NFIB: variants seen among roughly 807,000 people sequenced by gnomAD.
NFIB encodes the protein nuclear factor 1 B-type.
In NFIB, 11 loss-of-function variants were observed where a neutral mutation model predicts 61.5. The ratio of observed to expected loss-of-function variants is 0.18; its 90% confidence interval spans 0.11 to 0.30. The LOEUF is 0.30. Among genes scored for constraint, NFIB ranks in the 10% least tolerant of loss-of-function variants. The pLI, the probability that NFIB is intolerant of heterozygous loss-of-function variation, is 1.00. For missense variants in NFIB, 471 were observed against 608.9 expected (o/e 0.77, Z 2.38); for synonymous variants, 260 against 216.5 (o/e 1.20, Z -1.76).
chr9:14,283,221 G>C (rs924084376), intron 2 of NFIB, among the ~76,000 whole-genome samples: 1 of 152,190 alleles, frequency 6.6e-6, no homozygotes. Flanking sequence ...GTATCACTGT[G>C]ACTCCGGACT....
chr9:14,087,597 T>C lies in NFIB; in HGVS notation c.*712A>G, dbSNP rs896990943. 1.8e-5 allele frequency: 4 copies of C among 226,258 alleles called. No homozygotes were observed. The highest frequency in any genetic ancestry group is 1.7e-4 in the Admixed American group (3 of 17,524). 14.0% of individuals were successfully genotyped at this position (226,258 alleles called of 1,614,324 possible). ...TTTTTTTCCTTTTTTTTTCATTTTT[T>C]CTTTTTTTAAGATTTCAAACTGGGT... is the stretch of plus-strand genomic sequence containing the variant. On this transcript the variant is annotated 3_prime_UTR_variant, in exon 11 of 11. Coordinates refer to ENST00000380953, the MANE Select transcript of NFIB (RefSeq NM_001190737.2).
Position 14,084,233 on chromosome 9 carries a change from AAAC to A in NFIB, c.*4073_*4075del, listed in dbSNP as rs888096359. The A allele has an allele frequency of 5.0e-6, 1 of 200,494 alleles. No homozygotes were observed. Among genetic ancestry groups the A allele is most frequent in the African/African-American group, 2.3e-5 (1 of 43,508 alleles). 12.4% of individuals were successfully genotyped at this position (200,494 alleles called of 1,614,324 possible). A position where few individuals can be genotyped will look rare whatever the true frequency, so the allele number is the denominator to read the frequency against. ...ATATTCTTGTTTACTTTAAAAATGG[AAAC>A]AACATATAGTTCCATTATAATTGTT... On this transcript the variant is annotated 3_prime_UTR_variant, in exon 11 of 11. Transcript: ENST00000380953.
intron 4 of NFIB, among the ~76,000 whole-genome samples, chr9:14,151,348 T>C (rs1233262700): frequency 6.6e-6 from 1 of 152,128 alleles, no homozygotes; most frequent in African/African-American, 2.4e-5. Context: ...CGCTGAAAAT[T>C]TGTTCATTCA....
chr9:14,129,575 T>G (rs964912913), intron 6 of NFIB, among the ~76,000 whole-genome samples: 2 of 152,126 alleles, frequency 1.3e-5, no homozygotes, highest in African/African-American at 4.8e-5. Context: ...AAAGGCTTCA[T>G]GCCAAGGTGA....
chr9:14,236,905 T>C (rs1273469711), intron 2 of NFIB, among the ~76,000 whole-genome samples: 1 of 152,028 alleles, frequency 6.6e-6, no homozygotes, highest in Non-Finnish European at 1.5e-5. Flanking sequence ...GTGTTCCAAG[T>C]AGGAGCATTT....
chr9:14,139,349 T>G (rs981849603), intron 6 of NFIB, among the ~76,000 whole-genome samples: 2 of 152,194 alleles, frequency 1.3e-5, no homozygotes, highest in East Asian at 3.8e-4. Context: ...ATAACTCAAA[T>G]GACACTGGCT....
chr9:14,254,560 G>C (rs1252216888), intron 2 of NFIB, among the ~76,000 whole-genome samples: 2 of 152,286 alleles, frequency 1.3e-5, no homozygotes, highest in East Asian at 3.9e-4. Flanking sequence ...GAAGTGAAAT[G>C]ATGAGGCTAA....
At chr9:14,381,793 G>C (rs756433196) in intron 1 of NFIB, among the ~76,000 whole-genome samples, 4 of 152,272 alleles carry the variant, frequency 2.6e-5, no homozygotes, top group Non-Finnish European at 5.9e-5. Flanking sequence ...TAGAATGTAA[G>C]CTCTGAAAGG....
At chr9:14,405,432 C>T in the NFIB span, among the ~76,000 whole-genome samples, 9 of 152,114 alleles carry the variant, frequency 5.9e-5, no homozygotes, top group Admixed American at 4.6e-4. Context: ...AGCTAAGCAA[C>T]GAGGATGTGA....
intron 2 of NFIB, among the ~76,000 whole-genome samples, chr9:14,190,214 C>T (rs915534224): frequency 1.3e-5 from 2 of 151,856 alleles, no homozygotes; most frequent in Admixed American, 6.6e-5. Context: ...ATAACCAGTC[C>T]TTGTTTTATT....
chr9:14,148,482 T>A (rs1277449496), intron 5 of NFIB, among the ~76,000 whole-genome samples: 1 of 152,170 alleles, frequency 6.6e-6, no homozygotes, highest in Non-Finnish European at 1.5e-5. Flanking sequence ...TTTAAAAATC[T>A]TCAAAATTCA....
At chr9:14,222,795 C>CAAAAAAAAAAAAAAAAAAAAAA (rs58787088) in intron 2 of NFIB, among the ~76,000 whole-genome samples, 2 of 86,752 alleles carry the variant, frequency 2.3e-5, no homozygotes, top group Non-Finnish European at 4.3e-5. Flanking sequence ...GATCCTGTCT[C>CAAAAAAAAAAAAAAAAAAAAAA]AAAAAAAAAA....
At chr9:14,157,473 A>G (rs952452513) in intron 3 of NFIB, among the ~76,000 whole-genome samples, 1 of 152,232 alleles carries the variant, frequency 6.6e-6, no homozygotes, top group African/African-American at 2.4e-5. Context: ...GTAGGGAATA[A>G]AACAGGTGCC....
chr9:14,494,802 C>T, the NFIB span, among the ~76,000 whole-genome samples: 1 of 152,180 alleles, frequency 6.6e-6, no homozygotes, highest in South Asian at 2.1e-4. Context: ...TGAAGTCCTT[C>T]AGACTGGCCA....
At chr9:14,399,812 T>C (rs775018266), upstream of NFIB, among the ~76,000 whole-genome samples, 1 of 152,154 alleles carries the variant, frequency 6.6e-6, no homozygotes, top group Non-Finnish European at 1.5e-5. Context: ...TCTTAATAAA[T>C]CAAGAAAGTT....
intron 1 of NFIB, among the ~76,000 whole-genome samples, chr9:14,380,242 A>G (rs1435657449): frequency 6.6e-6 from 1 of 152,224 alleles, no homozygotes; most frequent in Non-Finnish European, 1.5e-5. Flanking sequence ...GTCTTCCACC[A>G]TGAGAAGCTC....
At chr9:14,100,063 ACTAT>A (rs1457798641) in intron 10 of NFIB, among the ~76,000 whole-genome samples, 3 of 152,282 alleles carry the variant, frequency 2.0e-5, no homozygotes, top group Admixed American at 6.5e-5. Flanking sequence ...AGGAAGTGAG[ACTAT>A]CTAAAAAATA....
chr9:14,318,240 T>C (rs553807205), upstream of NFIB, among the ~76,000 whole-genome samples: 8 of 152,344 alleles, frequency 5.3e-5, no homozygotes, highest in South Asian at 6.2e-4. Context: ...AGAAAGTTTA[T>C]TGATTTCTAA....
At chr9:14,456,928 C>A in the NFIB span, among the ~76,000 whole-genome samples, 1 of 152,194 alleles carries the variant, frequency 6.6e-6, no homozygotes, top group Non-Finnish European at 1.5e-5. Context: ...AGTCTTAAAA[C>A]AACTCGAATG....
Sources: gnomAD v4.1 joint callset for allele counts (sites outside exome capture counted in the v4.1 genomes callset) on GRCh38, gnomAD v4.1.1 for gene constraint, MANE v1.5 for transcripts, NCBI Gene and HGNC (gene_info 2026-07-23, HGNC 2026-07-21) for gene names.